GSAP: variants seen among roughly 807,000 people sequenced by gnomAD.
The protein encoded by GSAP is gamma-secretase activating protein, also known as gamma-secretase-activating protein.
Under a neutral mutation model 131.7 loss-of-function variants are expected in GSAP, and 118 were observed. That is an observed-to-expected ratio of 0.90 (90% CI 0.77 to 1.04). GSAP has a LOEUF of 1.04. Among genes scored for constraint, GSAP ranks in the 50% least tolerant of loss-of-function variants. GSAP has a pLI of 0.00. For synonymous variants in GSAP, 381 were observed against 363.4 expected (o/e 1.05, Z -0.55); for missense variants, 1,019 against 1,013.2 (o/e 1.01, Z -0.08).
At chr7:77,370,784 T>C (rs752470826) in intron 12 of GSAP, among the ~76,000 whole-genome samples, 6 of 152,130 alleles carry the variant, frequency 3.9e-5, no homozygotes, top group Non-Finnish European at 8.8e-5. Flanking sequence ...TTCACCTCAA[T>C]TCCACAACAC....
chr7:77,371,178 C>T (rs1229952884), intron 12 of GSAP, among the ~76,000 whole-genome samples: 3 of 152,178 alleles, frequency 2.0e-5, no homozygotes, highest in Non-Finnish European at 2.9e-5. Context: ...CTAAGCTCCA[C>T]CAAAACCCCT....
chr7:77,354,184 GAT>G (rs2150863440), intron 16 of GSAP, among the ~76,000 whole-genome samples: 1 of 152,274 alleles, frequency 6.6e-6, no homozygotes, highest in South Asian at 2.1e-4. Flanking sequence ...AGCACTGACA[GAT>G]ATTATAAGGC....
At chr7:77,347,255 A>T (rs1040276676) in intron 19 of GSAP, among the ~76,000 whole-genome samples, 1 of 152,166 alleles carries the variant, frequency 6.6e-6, no homozygotes, top group Admixed American at 6.5e-5. Flanking sequence ...CAAATTAATC[A>T]AACCTAAAGA....
intron 13 of GSAP, among the ~76,000 whole-genome samples, chr7:77,362,348 A>G (rs981558932): frequency 3.3e-5 from 5 of 152,100 alleles, no homozygotes; most frequent in Non-Finnish European, 7.4e-5. Flanking sequence ...TTAGCTAGGC[A>G]TGATGGCACA....
intron 5 of GSAP, among the ~76,000 whole-genome samples, chr7:77,392,932 G>C (rs1172475509): frequency 6.6e-6 from 1 of 152,134 alleles, no homozygotes; most frequent in African/African-American, 2.4e-5. Context: ...AATCTGCTGT[G>C]ACTTGTGGCA....
chr7:77,395,439 A>G (rs1260944519), intron 5 of GSAP, among the ~76,000 whole-genome samples: 1 of 152,164 alleles, frequency 6.6e-6, no homozygotes, highest in Non-Finnish European at 1.5e-5. Context: ...AATGTCCCAG[A>G]TCGTATTTCA....
chr7:77,330,595 T>C (rs1269647960), intron 19 of GSAP: 1 of 1,081,628 alleles, frequency 9.2e-7, no homozygotes, highest in Non-Finnish European at 1.1e-6. Context: ...TTTTTTTTTG[T>C]CGTTGTTTTT....
rs80204554 is a variant in GSAP, at chr7:77,328,015, T to G, written c.1765+591A>C. 1.8e-3 allele frequency among the ~76,000 whole-genome samples: 279 copies of G among 152,298 alleles called. 1 individual carries two copies. The highest frequency in any genetic ancestry group is 6.5e-3 in the African/African-American group (271 of 41,562). The stretch of plus-strand genomic sequence containing the variant: ...ATCTGCATTACCCCATTTAGTCTCA[T>G]TTTCTCCTCACTCCCCTAAGGACAG... On this transcript the variant is annotated intron_variant, in intron 22 of 30. Transcript: ENST00000257626.
At chr7:77,324,458 T>G (rs1788056108) in intron 23 of GSAP, among the ~76,000 whole-genome samples, 2 of 152,326 alleles carry the variant, frequency 1.3e-5, no homozygotes, top group East Asian at 3.9e-4. Flanking sequence ...CAGGACCACG[T>G]TTGTGCCAAT....
At chr7:77,389,610 A>T (rs981848372) in intron 5 of GSAP, among the ~76,000 whole-genome samples, 20 of 152,166 alleles carry the variant, frequency 1.3e-4, no homozygotes, top group Non-Finnish European at 2.9e-5. Flanking sequence ...AAAGGACATG[A>T]ACTCATCATT....
chr7:77,370,526 T>G (rs1489699620), intron 12 of GSAP, among the ~76,000 whole-genome samples: 1 of 152,118 alleles, frequency 6.6e-6, no homozygotes, highest in African/African-American at 2.4e-5. Flanking sequence ...TCCCTCCATG[T>G]GAGCTCCGGA....
chr7:77,323,568 G>T, intron 24 of GSAP, 79 bp downstream of exon 24: 3 of 646,146 alleles, frequency 4.6e-6, no homozygotes, highest in Non-Finnish European at 8.1e-6. Context: ...ACATAAATGG[G>T]TTCCCTGCAC....
At position 77,373,580 on chromosome 7, in the gene GSAP, G is replaced by A. The variant is rs555717232; in HGVS notation, c.871+490C>T. On this transcript the variant is annotated intron_variant, in intron 12 of 30. Transcript: ENST00000257626. Reference sequence around the variant, plus strand: ...CTTTAGGTATTTTTCTTTACCCTCTGCATTTTTTCTATCTATGAAAACTGG... The same window carrying A: ...CTTTAGGTATTTTTCTTTACCCTCTACATTTTTTCTATCTATGAAAACTGG... Among the ~76,000 whole-genome samples, 30 of 152,206 alleles carry A rather than the reference G, an allele frequency of 2.0e-4. 1 individual carries two copies. The East Asian group carries it at 5.0e-3, about 25-fold the overall frequency.
intron 9 of GSAP, 28 bp downstream of exon 9, chr7:77,377,258 A>AAAAAAAAAAAT: frequency 2.1e-6 from 3 of 1,400,736 alleles, no homozygotes; most frequent in African/African-American, 1.5e-5. Context: ...AAAAAAAAAA[A>AAAAAAAAAAAT]GGAGTGCCCG....
At chr7:77,382,956 C>T (rs1489798933) in intron 6 of GSAP, among the ~76,000 whole-genome samples, 1 of 152,192 alleles carries the variant, frequency 6.6e-6, no homozygotes, top group Non-Finnish European at 1.5e-5. Flanking sequence ...GAAGCCAAGA[C>T]AGGCAGATCA....
intron 5 of GSAP, among the ~76,000 whole-genome samples, chr7:77,393,444 C>T (rs892479848): frequency 6.6e-6 from 1 of 152,182 alleles, no homozygotes; most frequent in African/African-American, 2.4e-5. Flanking sequence ...GACTCATCTC[C>T]AAACTCCACC....
intron 5 of GSAP, among the ~76,000 whole-genome samples, chr7:77,394,639 G>A (rs1800076849): frequency 6.6e-6 from 1 of 152,206 alleles, no homozygotes; most frequent in South Asian, 2.1e-4. Context: ...AAGTATACCA[G>A]TAAATGGGGC....
At chr7:77,369,499 A>C (rs1490566470) in intron 12 of GSAP, among the ~76,000 whole-genome samples, 3 of 152,210 alleles carry the variant, frequency 2.0e-5, no homozygotes, top group Non-Finnish European at 4.4e-5. Flanking sequence ...TGTTTTCAAG[A>C]ATATAAAAAG....
chr7:77,381,308 T>C lies in GSAP; in HGVS notation c.573A>G (p.Arg191=), dbSNP rs930388477. 1 of 1,550,774 alleles carries C rather than the reference T, an allele frequency of 6.4e-7. No homozygotes were observed. The highest frequency in any genetic ancestry group is 8.8e-7 in the Non-Finnish European group (1 of 1,139,470). The change falls in exon 8 of 31, where the codon AGA becomes AGG. Residue 191 remains arginine, a synonymous_variant. Coordinates refer to ENST00000257626, the MANE Select transcript of GSAP (RefSeq NM_017439.4). ...RIHVAQEDGN[R]VVIKNSGHLP... is the part of the protein sequence containing the mutation. ...GAAAAGAATTTCAAATCTTTACCACTCTATTTCCATCTTCTTGGGCGACAT... is the reference window on the plus strand; with the variant it reads ...GAAAAGAATTTCAAATCTTTACCACCCTATTTCCATCTTCTTGGGCGACAT...
Sources: allele counts gnomAD v4.1 joint callset (sites outside exome capture counted in the v4.1 genomes callset), GRCh38; gene constraint gnomAD v4.1.1; transcripts MANE v1.5; gene names NCBI Gene and HGNC (gene_info 2026-07-23, HGNC 2026-07-21).